The following BCAS3 variants were observed in gnomAD, a reference collection of about 807,000 sequenced individuals.
The protein encoded by BCAS3 is BCAS3 microtubule associated cell migration factor, also known as BCAS4/BCAS3 fusion.
In BCAS3, 53 loss-of-function variants were observed where a neutral mutation model predicts 116.1. The ratio of observed to expected loss-of-function variants is 0.46; its 90% CI spans 0.37 to 0.57. The LOEUF is 0.57. BCAS3 is among the 20% of genes least tolerant of loss of function. BCAS3 has a pLI of 0.00. For missense variants in BCAS3, 917 were observed against 1,165.4 expected, an observed-to-expected ratio of 0.79 and a Z score of 3.10; for synonymous variants, 391 against 408.2, an observed-to-expected ratio of 0.96 and a Z score of 0.51.
chr17:61,094,178 A>C (rs1005740950), intron 22 of BCAS3, among the ~76,000 whole-genome samples: 1 of 152,180 alleles, frequency 6.6e-6, no homozygotes, highest in African/African-American at 2.4e-5. Context: ...GTATTCACCT[A>C]AGAATATCTT....
At chr17:61,108,636 G>A (rs1328831494) in intron 22 of BCAS3, among the ~76,000 whole-genome samples, 2 of 138,230 alleles carry the variant, frequency 1.4e-5, no homozygotes, top group Non-Finnish European at 3.1e-5. Flanking sequence ...ATAGGCTTTT[G>A]GGGAACAGGT....
At chr17:61,074,294 T>C (rs1660410589) in intron 19 of BCAS3, among the ~76,000 whole-genome samples, 2 of 151,936 alleles carry the variant, frequency 1.3e-5, no homozygotes, top group South Asian at 4.2e-4. Flanking sequence ...GAGTGAGTCG[T>C]AGCTTCCAAA....
chr17:61,342,893 G>A (rs1234828977), intron 22 of BCAS3, among the ~76,000 whole-genome samples: 1 of 152,018 alleles, frequency 6.6e-6, no homozygotes, highest in Non-Finnish European at 1.5e-5. Context: ...GGGATTATAG[G>A]CATGTGCCAC....
At chr17:60,977,311 T>A (rs1018333194) in intron 14 of BCAS3, among the ~76,000 whole-genome samples, 5 of 152,030 alleles carry the variant, frequency 3.3e-5, no homozygotes, top group Non-Finnish European at 5.9e-5. Context: ...TCCCAAGTGA[T>A]TGGGACTATA....
intron 6 of BCAS3, among the ~76,000 whole-genome samples, chr17:60,755,542 CTT>C (rs1430174707): frequency 6.6e-6 from 1 of 152,158 alleles, no homozygotes; most frequent in African/African-American, 2.4e-5. Context: ...CTGTTAATCT[CTT>C]GTTTTATATC....
At chr17:60,816,279 C>CTTTTTTTTTTTTT (rs537982584) in intron 7 of BCAS3, among the ~76,000 whole-genome samples, 18 of 140,100 alleles carry the variant, frequency 1.3e-4, no homozygotes, top group African/African-American at 3.3e-4. Context: ...TTTTTCTTTT[C>CTTTTTTTTTTTTT]TTTTTTTTTT....
chr17:61,141,307 C>T lies in BCAS3; in HGVS notation c.2425+56743C>T, dbSNP rs1469967974. 6.6e-6 allele frequency among the ~76,000 whole-genome samples: 1 copy of T among 152,102 alleles called. No individual in the cohort carries two copies. Among genetic ancestry groups the T allele is most frequent in the Admixed American group, 6.6e-5 (1 of 15,254 alleles). On this transcript the variant is annotated intron_variant, in intron 22 of 23. Transcript: ENST00000407086. This position sits in a 1 kb window ranked among gnomAD's most constrained non-coding sequence, Gnocchi z 4.3. ...GCATGGGGGTTCATTCCTGTAATCC[C>T]AGCATGTTGGGAGGCCAAAGTGGGA...
At chr17:60,816,350 C>T (rs1231858325) in intron 7 of BCAS3, among the ~76,000 whole-genome samples, 1 of 150,266 alleles carries the variant, frequency 6.7e-6, no homozygotes, top group African/African-American at 2.5e-5. Context: ...TCTCAGCTCA[C>T]GGCAACCTCC....
At chr17:61,169,072 T>C (rs1027536063) in intron 22 of BCAS3, among the ~76,000 whole-genome samples, 8 of 152,334 alleles carry the variant, frequency 5.3e-5, no homozygotes, top group African/African-American at 1.4e-4. Context: ...GGATTCTCAC[T>C]GTACTTCCAG....
Position 61,204,650 on chromosome 17 carries a change from C to T in BCAS3, c.2425+120086C>T, listed in dbSNP as rs546094510. Among the ~76,000 whole-genome samples the T allele has an allele frequency of 1.4e-4, 21 of 151,918 alleles. No homozygotes were observed. The highest frequency in any genetic ancestry group is 3.4e-3 in the Middle Eastern group (1 of 294). ...CACAGTACCAGGGTTTTTTTGTTTT[C>T]GTTTTTCTTTAAATCTCATTCCCAT... is the stretch of plus-strand genomic sequence containing the variant. On this transcript the variant is annotated intron_variant, in intron 22 of 23. Transcript: ENST00000407086. This position sits in a 1 kb window ranked among gnomAD's most constrained non-coding sequence, Gnocchi z 4.2.
At chr17:60,707,183 G>A (rs1028614609) in intron 4 of BCAS3, among the ~76,000 whole-genome samples, 4 of 151,974 alleles carry the variant, frequency 2.6e-5, no homozygotes, top group African/African-American at 9.7e-5. Flanking sequence ...AGTAGAGACC[G>A]GGTTTCTCCA....
chr17:61,089,507 C>CTTTTTT, intron 22 of BCAS3, among the ~76,000 whole-genome samples: 1 of 44,668 alleles, frequency 2.2e-5, no homozygotes, highest in Non-Finnish European at 4.4e-5. Flanking sequence ...CGGAGTTTCA[C>CTTTTTT]TCTTTTTTTT....
In BCAS3 at chr17:61,254,813, T is replaced by G. The variant is rs191495766; in HGVS notation, c.2426-113514T>G. Among the ~76,000 whole-genome samples the G allele has an allele frequency of 7.9e-3, 1,057 of 133,096 alleles. 6 individuals carry two copies. Among genetic ancestry groups the G allele is most frequent in the Non-Finnish European group, 0.011 (675 of 61,452 alleles). The allele number at this position is 133,096 out of a possible 152,430, so 87.3% of individuals were successfully genotyped here. ...AAGGATTAGAAAATTTATACTGCTTTAAATACCCAGTGAGTATAGTATATG... is the reference window on the plus strand; with the variant it reads ...AAGGATTAGAAAATTTATACTGCTTGAAATACCCAGTGAGTATAGTATATG... On this transcript the variant is annotated intron_variant, in intron 22 of 23. Transcript: ENST00000407086.
At position 61,343,031 on chromosome 17, in the gene BCAS3, C is replaced by T. The variant is rs569875426; in HGVS notation, c.2426-25296C>T. 5.3e-5 allele frequency among the ~76,000 whole-genome samples: 8 copies of T among 152,134 alleles called. No homozygotes were observed. The highest frequency in any genetic ancestry group is 1.7e-4 in the African/African-American group (7 of 41,428). ...CCTCCCAAAGTGCTGGGATTACAGG[C>T]GTGAGCCACTGAGCCCAGCCGAGAT... is the stretch of plus-strand genomic sequence containing the variant. On this transcript the variant is annotated intron_variant, in intron 22 of 23. Transcript: ENST00000407086. The surrounding 1 kb of genome is among the most constrained non-coding windows in gnomAD (Gnocchi z 5.5).
chr17:61,115,423 G>C (rs1217858507), intron 22 of BCAS3, among the ~76,000 whole-genome samples: 1 of 148,290 alleles, frequency 6.7e-6, no homozygotes, highest in Non-Finnish European at 1.5e-5. Flanking sequence ...ATCAAAAAGT[G>C]GGCAAAGGAC....
At chr17:60,699,164 C>T (rs1713252280) in intron 4 of BCAS3, among the ~76,000 whole-genome samples, 1 of 152,112 alleles carries the variant, frequency 6.6e-6, no homozygotes, top group African/African-American at 2.4e-5. Context: ...TGATGATGTA[C>T]ACAAAAGCAC....
rs763041845 is a variant in BCAS3 at position 61,228,844 on chromosome 17, AG to A, written c.2426-139481del. Among the ~76,000 whole-genome samples the A allele has an allele frequency of 6.6e-6, 1 of 152,202 alleles. No homozygotes were observed. Among genetic ancestry groups the A allele is most frequent in the Non-Finnish European group, 1.5e-5 (1 of 68,034 alleles). ...CTCTAAGTGTTCAAGTGTAAAAAAG[AG>A]GTTCGCCTCTCACTTTAAATCAAAA... On this transcript the variant is annotated intron_variant, in intron 22 of 23. Coordinates refer to ENST00000407086, the MANE Select transcript of BCAS3 (RefSeq NM_017679.5). This position sits in a 1 kb window ranked among gnomAD's most constrained non-coding sequence, Gnocchi z 5.0.
intron 6 of BCAS3, among the ~76,000 whole-genome samples, chr17:60,804,886 C>T (rs974289891): frequency 2.0e-5 from 3 of 151,466 alleles, no homozygotes; most frequent in Non-Finnish European, 4.4e-5. Context: ...ATTTTAGCTT[C>T]ATCTCCTATC....
intron 22 of BCAS3, among the ~76,000 whole-genome samples, chr17:61,311,051 C>G (rs182084362): frequency 6.6e-6 from 1 of 152,288 alleles, no homozygotes; most frequent in South Asian, 2.1e-4. Flanking sequence ...CCTACATCCT[C>G]GGGTTCCTGT....
Sources: allele counts gnomAD v4.1 joint callset (sites outside exome capture counted in the v4.1 genomes callset), GRCh38; gene constraint gnomAD v4.1.1; non-coding constraint Gnocchi (gnomAD v3.1); transcripts MANE v1.5; gene names NCBI Gene and HGNC (gene_info 2026-07-23, HGNC 2026-07-21).